The following PLPPR1 variants were observed in gnomAD, a reference collection of about 807,000 sequenced individuals.
PLPPR1 encodes phospholipid phosphatase-related protein type 1.
PLPPR1 carries 10 observed loss-of-function variants against 33.1 expected under a neutral mutation model. The ratio of observed to expected loss-of-function variants is 0.30; its 90% CI spans 0.19 to 0.51. The LOEUF (loss-of-function observed/expected upper bound fraction) is 0.51, where lower values mean the gene tolerates loss of function less well. Among genes scored for constraint, PLPPR1 ranks in the 20% least tolerant of loss-of-function variants. PLPPR1 has a pLI of 0.97. For synonymous variants in PLPPR1, 151 were observed against 151.0 expected (o/e 1.00, Z 0.00); for missense variants, 304 against 408.1 (o/e 0.74, Z 2.20).
chr9:101,273,936 C>G (rs879459189), intron 3 of PLPPR1, among the ~76,000 whole-genome samples: 1 of 152,308 alleles, frequency 6.6e-6, no homozygotes, highest in Middle Eastern at 3.4e-3. Flanking sequence ...TCTCTCCTCT[C>G]AGAGTAAAAG....
chr9:101,119,960 T>G (rs1831159448), intron 1 of PLPPR1, among the ~76,000 whole-genome samples: 1 of 152,348 alleles, frequency 6.6e-6, no homozygotes, highest in Non-Finnish European at 1.5e-5. Context: ...CTCAACAGCC[T>G]CACTAGTGGC....
intron 2 of PLPPR1, among the ~76,000 whole-genome samples, chr9:101,186,003 A>C (rs1253368013): frequency 6.6e-6 from 1 of 151,844 alleles, no homozygotes; most frequent in Non-Finnish European, 1.5e-5. Context: ...AAGAAAAATA[A>C]TCTTAGAGTT....
At chr9:101,173,830 T>G (rs1825981459) in intron 1 of PLPPR1, among the ~76,000 whole-genome samples, 1 of 152,124 alleles carries the variant, frequency 6.6e-6, no homozygotes, top group Non-Finnish European at 1.5e-5. Flanking sequence ...AAAGGGAGAA[T>G]TGCTACTATT....
intron 1 of PLPPR1, among the ~76,000 whole-genome samples, chr9:101,042,167 G>T (rs1044799507): frequency 7.2e-5 from 11 of 152,192 alleles, no homozygotes; most frequent in African/African-American, 2.7e-4. Context: ...GAATTTATCA[G>T]ATAATTTGTA....
chr9:101,035,572 C>T (rs967900748), intron 1 of PLPPR1, among the ~76,000 whole-genome samples: 2 of 152,128 alleles, frequency 1.3e-5, no homozygotes, highest in Non-Finnish European at 2.9e-5. Flanking sequence ...GGGAAGTTGT[C>T]CTGACCTCTT....
rs936904119 is a variant in PLPPR1, at chr9:101,032,982, C to T, written c.-46+3880C>T. On this transcript the variant is annotated intron_variant, in intron 1 of 7. Transcript: ENST00000374874. Reference sequence around the variant, plus strand: ...TTTCCCCCTTTCTTGTCAGAATTTCCGGATTTAATATACATTGTGAAAACT... The same window carrying T: ...TTTCCCCCTTTCTTGTCAGAATTTCTGGATTTAATATACATTGTGAAAACT... 4.6e-5 allele frequency among the ~76,000 whole-genome samples: 7 copies of T among 152,020 alleles called. 1 individual carries two copies. Among genetic ancestry groups the T allele is most frequent in the Admixed American group, 1.3e-4 (2 of 15,268 alleles).
chr9:101,268,407 G>A (rs190364082), intron 2 of PLPPR1, among the ~76,000 whole-genome samples: 13 of 152,286 alleles, frequency 8.5e-5, no homozygotes, highest in Admixed American at 5.9e-4. Context: ...AGAGGGTAAA[G>A]GCTGTGCTTC....
intron 1 of PLPPR1, among the ~76,000 whole-genome samples, chr9:101,088,540 T>A (rs1769228962): frequency 6.6e-6 from 1 of 152,148 alleles, no homozygotes; most frequent in South Asian, 2.1e-4. Flanking sequence ...ATAAATAGTC[T>A]CACTTTGTGT....
At chr9:101,155,306 A>G (rs1405822430) in intron 1 of PLPPR1, among the ~76,000 whole-genome samples, 1 of 152,140 alleles carries the variant, frequency 6.6e-6, no homozygotes, top group African/African-American at 2.4e-5. Flanking sequence ...GAGAGTGGGT[A>G]ATTTATAAAG....
intron 1 of PLPPR1, among the ~76,000 whole-genome samples, chr9:101,154,724 A>G (rs1311184713): frequency 3.3e-5 from 5 of 152,076 alleles, no homozygotes; most frequent in Admixed American, 3.3e-4. Context: ...AATGTCCATC[A>G]ATGATAGACT....
chr9:101,237,642 T>C (rs10989448), intron 2 of PLPPR1, among the ~76,000 whole-genome samples: 10,069 of 139,816 alleles, frequency 0.072, 460 homozygotes, highest in South Asian at 0.22. Context: ...TATATATATA[T>C]ACACACACAC....
intron 4 of PLPPR1, among the ~76,000 whole-genome samples, chr9:101,294,095 T>C (rs1375344459): frequency 2.6e-5 from 4 of 151,706 alleles, no homozygotes; most frequent in Non-Finnish European, 5.9e-5. Context: ...ATCAAATAGA[T>C]GCAATAAAAA....
At chr9:101,215,041 GAAAGA>G in intron 2 of PLPPR1, among the ~76,000 whole-genome samples, 1 of 147,172 alleles carries the variant, frequency 6.8e-6, no homozygotes, top group East Asian at 2.0e-4. Flanking sequence ...AAAAAAAAAA[GAAAGA>G]AAAGAAAAAA....
At chr9:101,307,783 C>T (rs1226337923) in intron 4 of PLPPR1, among the ~76,000 whole-genome samples, 1 of 152,196 alleles carries the variant, frequency 6.6e-6, no homozygotes, top group African/African-American at 2.4e-5. Flanking sequence ...ATTGGGTAGA[C>T]ATTTAGTTGA....
intron 1 of PLPPR1, among the ~76,000 whole-genome samples, chr9:101,183,355 C>A (rs988831846): frequency 3.3e-5 from 5 of 151,668 alleles, no homozygotes; most frequent in Non-Finnish European, 5.9e-5. Flanking sequence ...GAATGTGCAA[C>A]AACATGAATG....
rs10560929 is a variant in PLPPR1 at position 101,324,224 on chromosome 9, ATTTTT to A, written c.*181_*185del. The A allele has an allele frequency of 3.9e-4, 141 of 357,542 alleles. No homozygotes were observed. Among genetic ancestry groups the A allele is most frequent in the South Asian group, 8.4e-4 (10 of 11,916 alleles). The allele number at this position is 357,542 out of a possible 1,614,324, so 22.1% of individuals were successfully genotyped here. On this transcript the variant is annotated 3_prime_UTR_variant, in exon 8 of 8. Transcript: ENST00000374874. ...TGAGGAAGTGATGTAGCTTGCCCTG[ATTTTT>A]TTTTTTTTTTTTTGGTCAGCTTTAA...
intron 4 of PLPPR1, among the ~76,000 whole-genome samples, chr9:101,290,946 T>C (rs578122508): frequency 6.6e-6 from 1 of 152,188 alleles, no homozygotes; most frequent in Non-Finnish European, 1.5e-5. Context: ...GGACAGTGGG[T>C]GCAGCGCACC....
rs572825769 is a variant in PLPPR1 at position 101,215,731 on chromosome 9, A to G, written c.63+30174A>G. On this transcript the variant is annotated intron_variant, in intron 2 of 7. Coordinates refer to ENST00000374874, the MANE Select transcript of PLPPR1 (RefSeq NM_207299.2). ...TTTTTACCTCTCACGTATGAGTGAG[A>G]ACATGTGATATTTGTCTTTCTGTGC... Among the ~76,000 whole-genome samples, 12 of 152,238 alleles carry G rather than the reference A, an allele frequency of 7.9e-5. No individual in the cohort carries two copies. In the East Asian group the frequency reaches 2.3e-3, roughly 29 times the overall value.
chr9:101,323,130 T>G (rs1339914882), intron 7 of PLPPR1, among the ~76,000 whole-genome samples: 2 of 152,174 alleles, frequency 1.3e-5, no homozygotes, highest in Non-Finnish European at 1.5e-5. Flanking sequence ...GGATGCTAAA[T>G]TACTTTGAGG....
Sources: allele counts gnomAD v4.1 joint callset (sites outside exome capture counted in the v4.1 genomes callset), GRCh38; gene constraint gnomAD v4.1.1; transcripts MANE v1.5; gene names NCBI Gene and HGNC (gene_info 2026-07-23, HGNC 2026-07-21).